LYRM4: variants seen among roughly 807,000 people sequenced by gnomAD.
LYRM4 encodes the protein LYR motif-containing protein 4.
In LYRM4, 9 loss-of-function variants were observed where a neutral mutation model predicts 11.7. The observed-to-expected ratio is 0.77, with a 90% CI of 0.46 to 1.34. The LOEUF is 1.34. LYRM4 is among the 40% of genes most tolerant of loss of function. The pLI is 0.00. For missense variants in LYRM4, 133 were observed against 112.5 expected, an observed-to-expected ratio of 1.18 and a Z score of -0.82; for synonymous variants, 42 against 40.4, an observed-to-expected ratio of 1.04 and a Z score of -0.15.
At chr6:5,114,778 T>C (rs993390139) in intron 2 of LYRM4, among the ~76,000 whole-genome samples, 10 of 151,786 alleles carry the variant, frequency 6.6e-5, no homozygotes, top group Non-Finnish European at 4.4e-5. Flanking sequence ...AAAAATCTCA[T>C]GTTTTAAGTT....
At chr6:5,185,138 C>CT (rs1408191970) in intron 2 of LYRM4, among the ~76,000 whole-genome samples, 6 of 152,324 alleles carry the variant, frequency 3.9e-5, no homozygotes, top group African/African-American at 1.4e-4. Context: ...CGAGTCGCCC[C>CT]TTGTTACCAT....
At chr6:5,124,799 T>C (rs1763627807) in intron 2 of LYRM4, among the ~76,000 whole-genome samples, 1 of 152,126 alleles carries the variant, frequency 6.6e-6, no homozygotes, top group Non-Finnish European at 1.5e-5. Flanking sequence ...TCCCCAGAGA[T>C]TATGAGTTAG....
At chr6:5,088,857 C>T in the LYRM4 span, 5 of 152,182 alleles carry the variant, frequency 3.3e-5, no homozygotes, top group African/African-American at 1.2e-4. Flanking sequence ...TACCTGTTGC[C>T]TTCTTTCACC....
At chr6:5,085,460 G>A in the LYRM4 span, 62 of 1,503,614 alleles carry the variant, frequency 4.1e-5, no homozygotes, top group African/African-American at 6.8e-4. Context: ...GGTTCGGCCC[G>A]AGCAAGTCCA....
At chr6:5,147,016 C>T (rs1011653599) in intron 2 of LYRM4, among the ~76,000 whole-genome samples, 1 of 150,548 alleles carries the variant, frequency 6.6e-6, no homozygotes, top group African/African-American at 2.5e-5. Flanking sequence ...CATCATCTAT[C>T]CCCCAGAGGC....
At chr6:5,131,138 C>T (rs1338613412) in intron 2 of LYRM4, among the ~76,000 whole-genome samples, 2 of 152,076 alleles carry the variant, frequency 1.3e-5, no homozygotes, top group African/African-American at 4.8e-5. Flanking sequence ...TAATATTTGA[C>T]AAGGCAGAAT....
rs1023328457 is a variant in LYRM4, at chr6:5,108,539, A to G, written c.*884T>C. ...GAATAGAGAAAAATGACTGTGCCTCACCCCTCACTTACTGAGTCAGAATCT... is the reference window on the plus strand; with the variant it reads ...GAATAGAGAAAAATGACTGTGCCTCGCCCCTCACTTACTGAGTCAGAATCT... On this transcript the variant is annotated 3_prime_UTR_variant, in exon 3 of 3. Coordinates refer to ENST00000330636, the MANE Select transcript of LYRM4 (RefSeq NM_020408.6). 1.2e-5 allele frequency: 6 copies of G among 488,802 alleles called. No individual in the cohort carries two copies. Among genetic ancestry groups the G allele is most frequent in the Non-Finnish European group, 1.6e-5 (6 of 375,982 alleles). The allele number at this position is 488,802 out of a possible 1,614,324, so 30.3% of individuals were successfully genotyped here.
chr6:5,160,133 C>G (rs565538447), intron 2 of LYRM4, among the ~76,000 whole-genome samples: 3 of 152,174 alleles, frequency 2.0e-5, no homozygotes, highest in African/African-American at 7.2e-5. Context: ...GTAAATGGCC[C>G]TTTTCTTCAG....
chr6:5,044,485 C>T, the LYRM4 span, among the ~76,000 whole-genome samples: 1 of 152,196 alleles, frequency 6.6e-6, no homozygotes, highest in Non-Finnish European at 1.5e-5. Context: ...ATCACCAGTG[C>T]CAGGGTCCAG....
chr6:5,223,688 G>A (rs1354909840), intron 1 of LYRM4, among the ~76,000 whole-genome samples: 1 of 152,198 alleles, frequency 6.6e-6, no homozygotes, highest in African/African-American at 2.4e-5. Context: ...ACAAATGGAC[G>A]AGAGCATTTC....
the LYRM4 span, chr6:5,085,089 C>G: frequency 4.6e-6 from 1 of 216,222 alleles, no homozygotes; most frequent in Non-Finnish European, 9.0e-6. Context: ...CGAGCCCCGC[C>G]GGGGGTGCGG....
chr6:5,181,935 A>G (rs1760098941), intron 2 of LYRM4, among the ~76,000 whole-genome samples: 1 of 152,160 alleles, frequency 6.6e-6, no homozygotes, highest in South Asian at 2.1e-4. Context: ...GTCTGTCTCT[A>G]AGAGAACTCT....
intron 1 of LYRM4, among the ~76,000 whole-genome samples, chr6:5,259,375 T>G (rs1280962989): frequency 6.6e-6 from 1 of 152,252 alleles, no homozygotes; most frequent in African/African-American, 2.4e-5. Context: ...ATTACACTCT[T>G]TATTCTCCAA....
chr6:5,238,112 C>T (rs778710757), intron 1 of LYRM4, among the ~76,000 whole-genome samples: 2 of 152,126 alleles, frequency 1.3e-5, no homozygotes, highest in Non-Finnish European at 2.9e-5. Flanking sequence ...TTTTGGTTTT[C>T]CTATTCTTAT....
At chr6:5,171,927 A>G (rs188756365) in intron 2 of LYRM4, among the ~76,000 whole-genome samples, 1 of 152,308 alleles carries the variant, frequency 6.6e-6, no homozygotes, top group African/African-American at 2.4e-5. Flanking sequence ...CTAGGACAGA[A>G]CACTGTAAAT....
At chr6:5,190,570 G>A (rs1271910393) in intron 2 of LYRM4, among the ~76,000 whole-genome samples, 1 of 151,988 alleles carries the variant, frequency 6.6e-6, no homozygotes, top group African/African-American at 2.4e-5. Flanking sequence ...TGAAAACACT[G>A]AATTCCAAAA....
downstream of LYRM4, chr6:5,107,728 G>A (rs914481582): frequency 1.3e-5 from 2 of 152,254 alleles, no homozygotes; most frequent in African/African-American, 4.8e-5. Flanking sequence ...CAGATGCTCA[G>A]GACTTTATCC....
At chr6:5,214,958 T>C (rs1021723853) in intron 2 of LYRM4, among the ~76,000 whole-genome samples, 3 of 152,134 alleles carry the variant, frequency 2.0e-5, no homozygotes, top group African/African-American at 7.2e-5. Flanking sequence ...GAGGGCGCCC[T>C]TGCCCTGCAC....
intron 1 of LYRM4, 40 bp downstream of exon 1, chr6:5,260,608 C>G: frequency 1.2e-4 from 167 of 1,337,924 alleles, no homozygotes; most frequent in Non-Finnish European, 1.5e-4. Context: ...TCCCCGGCCC[C>G]TGGCCCCCCG....
Sources: allele counts gnomAD v4.1 joint callset (sites outside exome capture counted in the v4.1 genomes callset), GRCh38; gene constraint gnomAD v4.1.1; transcripts MANE v1.5; gene names NCBI Gene and HGNC (gene_info 2026-07-23, HGNC 2026-07-21).